The following SLC4A4 variants were observed in gnomAD, a reference collection of about 807,000 sequenced individuals.
SLC4A4 encodes the protein electrogenic sodium bicarbonate cotransporter 1.
Under a neutral mutation model 111.5 loss-of-function variants are expected in SLC4A4, and 27 were observed. That is an observed-to-expected ratio of 0.24 (90% CI 0.18 to 0.33). SLC4A4 has a LOEUF of 0.33. SLC4A4 is among the 10% of genes least tolerant of loss of function. The pLI is 1.00. For missense variants in SLC4A4, 909 were observed against 1,315.5 expected (o/e 0.69, Z 4.78); for synonymous variants, 443 against 463.4 (o/e 0.96, Z 0.57).
intron 2 of SLC4A4, among the ~76,000 whole-genome samples, chr4:71,141,996 T>C (rs551201261): frequency 2.6e-5 from 4 of 152,236 alleles, no homozygotes; most frequent in Non-Finnish European, 4.4e-5. Flanking sequence ...TGATAACTTA[T>C]TATATCCAAA....
chr4:71,448,474 A>C (rs1433815132), intron 9 of SLC4A4, among the ~76,000 whole-genome samples: 1 of 152,166 alleles, frequency 6.6e-6, no homozygotes, highest in South Asian at 2.1e-4. Flanking sequence ...TAAAATGGAT[A>C]ATGCATTTTT....
intron 2 of SLC4A4, among the ~76,000 whole-genome samples, chr4:71,129,784 C>CAAAAAAAAAAAAA: frequency 1.3e-5 from 1 of 75,582 alleles, no homozygotes. Flanking sequence ...TACCATGCAC[C>CAAAAAAAAAAAAA]AAAAAAAAAA....
At chr4:71,108,935 A>T (rs1334514644) in intron 2 of SLC4A4, among the ~76,000 whole-genome samples, 1 of 152,072 alleles carries the variant, frequency 6.6e-6, no homozygotes, top group East Asian at 1.9e-4. Context: ...TCTTTAAGAC[A>T]GATATTTTAA....
chr4:71,418,884 T>C (rs898123441), intron 7 of SLC4A4, among the ~76,000 whole-genome samples: 1 of 152,214 alleles, frequency 6.6e-6, no homozygotes, highest in African/African-American at 2.4e-5. Context: ...TGGATGTCCT[T>C]TCTCTTTGTT....
rs763227236 is a variant in SLC4A4 at position 71,453,548 on chromosome 4, G to C, written c.1376G>C (p.Ser459Thr). Residue 459 changes from serine to threonine, a missense_variant, in exon 12 of 26, where the codon AGT becomes ACT. By Grantham distance (58) the Ser-to-Thr change is moderately conservative (BLOSUM62 1). Coordinates refer to ENST00000264485, the MANE Select transcript of SLC4A4 (RefSeq NM_001098484.3). Reference sequence around the variant, plus strand: ...AAGAGGAAAGCGCCATTTTTTGCCAGTGATTTTTATGATGCTTTAAATATT... The same window carrying C: ...AAGAGGAAAGCGCCATTTTTTGCCACTGATTTTTATGATGCTTTAAATATT... ...DIKRKAPFFA[S>T]DFYDALNIQA... is the part of the protein sequence containing the mutation. 4 of 1,613,976 alleles carry C rather than the reference G, an allele frequency of 2.5e-6. No homozygotes were observed. The highest frequency in any genetic ancestry group is 3.4e-6 in the Non-Finnish European group (4 of 1,179,902).
At chr4:71,368,611 C>A (rs1199811455) in intron 6 of SLC4A4, among the ~76,000 whole-genome samples, 2 of 152,218 alleles carry the variant, frequency 1.3e-5, no homozygotes, top group East Asian at 3.8e-4. Flanking sequence ...ATACGACACC[C>A]TGCCCCCTGT....
In SLC4A4 at chr4:71,571,535, A is replaced by G. The variant is rs930178806; in HGVS notation, c.*3784A>G. ...AGTTGTGTTTTGGCCAGAGATTTAG[A>G]TATGTCCAATTTCCTGGCTCATTTC... On this transcript the variant is annotated 3_prime_UTR_variant, in exon 26 of 26. Coordinates refer to ENST00000264485, the MANE Select transcript of SLC4A4 (RefSeq NM_001098484.3). 2 of 152,194 alleles carry G rather than the reference A, an allele frequency of 1.3e-5. No homozygotes were observed. The highest frequency in any genetic ancestry group is 6.6e-5 in the Admixed American group (1 of 15,182). 9.4% of individuals were successfully genotyped at this position (152,194 alleles called of 1,614,324 possible). A position where few individuals can be genotyped will look rare whatever the true frequency, so the allele number is the denominator to read the frequency against.
chr4:71,168,177 CTTTTTTTTT>C (rs777092928), intron 2 of SLC4A4, among the ~76,000 whole-genome samples: 6 of 106,242 alleles, frequency 5.6e-5, no homozygotes, highest in Non-Finnish European at 1.1e-4. Flanking sequence ...CAATTATACT[CTTTTTTTTT>C]TTTTTTTTTT....
At chr4:71,286,053 A>G (rs1343492516) in intron 3 of SLC4A4, among the ~76,000 whole-genome samples, 1 of 152,138 alleles carries the variant, frequency 6.6e-6, no homozygotes, top group Non-Finnish European at 1.5e-5. Flanking sequence ...TCTGGCTAAC[A>G]CAGTGAAACC....
intron 1 of SLC4A4, among the ~76,000 whole-genome samples, chr4:71,219,837 A>G (rs1191569528): frequency 6.6e-6 from 1 of 152,222 alleles, no homozygotes; most frequent in Non-Finnish European, 1.5e-5. Flanking sequence ...TGGACATAGC[A>G]AGAGAACTAG....
At chr4:71,379,583 C>G (rs1717908568) in intron 6 of SLC4A4, among the ~76,000 whole-genome samples, 1 of 152,078 alleles carries the variant, frequency 6.6e-6, no homozygotes, top group Non-Finnish European at 1.5e-5. Flanking sequence ...CCCCCATTGA[C>G]TTATCATTAT....
At chr4:71,436,512 C>G (rs767710427) in intron 7 of SLC4A4, among the ~76,000 whole-genome samples, 7 of 152,136 alleles carry the variant, frequency 4.6e-5, no homozygotes, top group Non-Finnish European at 7.3e-5. Flanking sequence ...ACATATGTAA[C>G]AAACCTGCAC....
chr4:71,465,310 T>C (rs1196463184), intron 12 of SLC4A4, among the ~76,000 whole-genome samples: 1 of 152,026 alleles, frequency 6.6e-6, no homozygotes, highest in Non-Finnish European at 1.5e-5. Context: ...CTTTACTCAT[T>C]TGAAAATGTT....
intron 3 of SLC4A4, among the ~76,000 whole-genome samples, chr4:71,311,890 T>C (rs76947748): frequency 0.014 from 1,063 of 76,580 alleles, 35 homozygotes; most frequent in South Asian, 0.049. Flanking sequence ...TGCAAGGCTG[T>C]GAGAGAGAGA....
chr4:71,439,349 A>T (rs1724466195), intron 7 of SLC4A4, among the ~76,000 whole-genome samples: 1 of 143,286 alleles, frequency 7.0e-6, no homozygotes, highest in African/African-American at 2.5e-5. Context: ...AATCACTTGA[A>T]CCCGGGAGGC....
chr4:71,458,780 A>C (rs1726531431), intron 12 of SLC4A4, among the ~76,000 whole-genome samples: 1 of 152,084 alleles, frequency 6.6e-6, no homozygotes, highest in Non-Finnish European at 1.5e-5. Context: ...TTATAACAGC[A>C]AGATTAAAGC....
rs1725673761 is a variant in SLC4A4, at chr4:71,450,614, A to G, written c.1208+71A>G. The G allele has an allele frequency of 4.9e-6, 7 of 1,433,226 alleles. No individual in the cohort carries two copies. The South Asian group carries it at 8.6e-5, about 18-fold the overall frequency. 88.8% of individuals were successfully genotyped at this position (1,433,226 alleles called of 1,614,324 possible). ...GAGAAGGAGGTTGTGTTAAAAAAAAAAAGTGAAGTCAACCTGTTGTTCTAA... is the reference window on the plus strand; with the variant it reads ...GAGAAGGAGGTTGTGTTAAAAAAAAGAAGTGAAGTCAACCTGTTGTTCTAA... On this transcript the variant is annotated intron_variant, in intron 10 of 25. Transcript: ENST00000264485.
At chr4:71,070,333 GTTAC>G (rs1741632097) in intron 1 of SLC4A4, among the ~76,000 whole-genome samples, 1 of 152,172 alleles carries the variant, frequency 6.6e-6, no homozygotes, top group African/African-American at 2.4e-5. Context: ...GTTTATTACA[GTTAC>G]TTAGTCACTC....
At chr4:71,472,640 A>G (rs1727990053) in intron 13 of SLC4A4, 59 bp from the exon 14 acceptor site, 3 of 1,540,980 alleles carry the variant, frequency 1.9e-6, no homozygotes, top group Non-Finnish European at 2.7e-6. Flanking sequence ...TGGTAGTTTT[A>G]TATTATTCTT....
Sources: gnomAD v4.1 joint callset for allele counts (sites outside exome capture counted in the v4.1 genomes callset) on GRCh38, gnomAD v4.1.1 for gene constraint, MANE v1.5 for transcripts, NCBI Gene and HGNC (gene_info 2026-07-23, HGNC 2026-07-21) for gene names.